Variants in AMOTL1 observed in about 807,000 individuals in gnomAD.
The protein encoded by AMOTL1 is angiomotin like 1.
In AMOTL1, 45 loss-of-function variants were observed where a neutral mutation model predicts 102.9. That is an observed-to-expected ratio of 0.44 (90% CI 0.34 to 0.56). The LOEUF (loss-of-function observed/expected upper bound fraction) is 0.56. Among genes scored for constraint, AMOTL1 ranks in the 20% least tolerant of loss-of-function variants. The pLI is 0.01. For missense variants in AMOTL1, 1,114 were observed against 1,225.6 expected (o/e 0.91, Z 1.36); for synonymous variants, 481 against 484.7 (o/e 0.99, Z 0.10).
chr11:94,870,883 G>C lies in AMOTL1; in HGVS notation c.*88G>C, dbSNP rs1443924540. ...AGAAAGACCTAGAAGGTTGTAGATG[G>C]GAAATCAGGAATGATTTGAACTGAT... On this transcript the variant is annotated 3_prime_UTR_variant, in exon 13 of 13. Transcript: ENST00000433060. 2 of 1,051,086 alleles carry C rather than the reference G, an allele frequency of 1.9e-6. No individual in the cohort carries two copies. Among genetic ancestry groups the C allele is most frequent in the Non-Finnish European group, 2.7e-6 (2 of 736,826 alleles). The allele number at this position is 1,051,086 out of a possible 1,614,324, so 65.1% of individuals were successfully genotyped here.
chr11:94,870,147 A>G (rs1032194345), intron 12 of AMOTL1, among the ~76,000 whole-genome samples: 1 of 152,190 alleles, frequency 6.6e-6, no homozygotes, highest in Non-Finnish European at 1.5e-5. Flanking sequence ...TTAAGTAGCC[A>G]GAGAGTACCC....
At position 94,797,720 on chromosome 11, in the gene AMOTL1, A is replaced by G. The variant is rs370863788; in HGVS notation, c.200-1670A>G. On this transcript the variant is annotated intron_variant, in intron 2 of 12. Coordinates refer to ENST00000433060, the MANE Select transcript of AMOTL1 (RefSeq NM_130847.3). ...TTCTAGGCAGAGGGAAGGCAAGCAAAGGTCCAGAGGCTGGAGAGAGCTAGC... is the reference window on the plus strand; with the variant it reads ...TTCTAGGCAGAGGGAAGGCAAGCAAGGGTCCAGAGGCTGGAGAGAGCTAGC... 3.3e-4 allele frequency among the ~76,000 whole-genome samples: 50 copies of G among 152,340 alleles called. 1 individual carries two copies. The highest frequency in any genetic ancestry group is 1.1e-3 in the African/African-American group (45 of 41,580).
chr11:94,771,483 C>G (rs549318313), intron 1 of AMOTL1, among the ~76,000 whole-genome samples: 16 of 152,146 alleles, frequency 1.1e-4, no homozygotes, highest in African/African-American at 3.6e-4. Flanking sequence ...TGGAAATAGT[C>G]TGAGGTTGTT....
intron 3 of AMOTL1, among the ~76,000 whole-genome samples, chr11:94,742,840 A>C (rs1282563476): frequency 6.6e-6 from 1 of 152,112 alleles, no homozygotes; most frequent in South Asian, 2.1e-4. Flanking sequence ...ATAGATGTCT[A>C]TCTTCTCACT....
In AMOTL1 at chr11:94,799,719, C is replaced by G. The variant is rs201813690; in HGVS notation, c.529C>G (p.Arg177Gly). 6.2e-7 allele frequency: 1 copy of G among 1,613,618 alleles called. No individual in the cohort carries two copies. The highest frequency in any genetic ancestry group is 1.7e-5 in the Admixed American group (1 of 60,004). ...CAATACGGTGATGGAGAAACAGGTCCGGTCCACGCAGCCTCAGCAGAACAA... is the reference window on the plus strand; with the variant it reads ...CAATACGGTGATGGAGAAACAGGTCGGGTCCACGCAGCCTCAGCAGAACAA... Reference protein sequence around the residue: ...VDNTVMEKQVRSTQPQQNNEE... With the variant: ...VDNTVMEKQVGSTQPQQNNEE... The change falls in exon 3 of 13, where the codon CGG becomes GGG. Residue 177 changes from arginine (R) to glycine (G), a missense_variant. Transcript: ENST00000433060. This position sits in a 1 kb window ranked among gnomAD's most constrained non-coding sequence, Gnocchi z 4.5.
chr11:94,864,912 GC>G, intron 10 of AMOTL1, 52 bp downstream of exon 10: 1 of 1,584,998 alleles, frequency 6.3e-7, no homozygotes. Flanking sequence ...CACACTCCAG[GC>G]CTTCCAGAAC....
chr11:94,851,203 C>T (rs1372491240), intron 7 of AMOTL1, among the ~76,000 whole-genome samples: 1 of 152,174 alleles, frequency 6.6e-6, no homozygotes, highest in Non-Finnish European at 1.5e-5. Context: ...TGACCTCAAC[C>T]CCTTAAAGAC....
At chr11:94,726,177 C>A (rs903779496) in intron 1 of AMOTL1, among the ~76,000 whole-genome samples, 8 of 152,160 alleles carry the variant, frequency 5.3e-5, no homozygotes, top group African/African-American at 1.4e-4. Flanking sequence ...AAAGAAGAGG[C>A]TGTGTCAGTT....
intron 7 of AMOTL1, among the ~76,000 whole-genome samples, chr11:94,853,650 G>A (rs1038755530): frequency 6.6e-6 from 1 of 152,136 alleles, no homozygotes; most frequent in Non-Finnish European, 1.5e-5. Context: ...AAATTATTAA[G>A]CAATAAATGA....
At chr11:94,770,605 C>G (rs1046138619) in intron 1 of AMOTL1, among the ~76,000 whole-genome samples, 1 of 152,092 alleles carries the variant, frequency 6.6e-6, no homozygotes. Context: ...TTTCCCTCCC[C>G]CTTCTTTTTA....
At chr11:94,772,684 T>C (rs375749982) in intron 1 of AMOTL1, among the ~76,000 whole-genome samples, 85 of 152,314 alleles carry the variant, frequency 5.6e-4, no homozygotes, top group African/African-American at 1.9e-3. Context: ...TATATATAGG[T>C]GTTTGTGTGA....
intron 1 of AMOTL1, among the ~76,000 whole-genome samples, chr11:94,778,481 AT>A (rs1335102944): frequency 6.6e-6 from 1 of 152,214 alleles, no homozygotes; most frequent in Non-Finnish European, 1.5e-5. Context: ...TCTTGGCTAA[AT>A]TACTTAACCT....
intron 1 of AMOTL1, among the ~76,000 whole-genome samples, chr11:94,773,919 C>T (rs1950988502): frequency 6.6e-6 from 1 of 152,188 alleles, no homozygotes; most frequent in South Asian, 2.1e-4. Flanking sequence ...GGATTGAGAA[C>T]AGGTGTATCC....
At chr11:94,865,671 G>A (rs140485357) in intron 10 of AMOTL1, among the ~76,000 whole-genome samples, 30 of 152,204 alleles carry the variant, frequency 2.0e-4, no homozygotes, top group Non-Finnish European at 3.7e-4. Context: ...GTCCCCAGCC[G>A]ACTTCGGTCC....
At chr11:94,835,530 TG>T (rs1167331883) in intron 6 of AMOTL1, among the ~76,000 whole-genome samples, 2 of 152,224 alleles carry the variant, frequency 1.3e-5, no homozygotes, top group Non-Finnish European at 2.9e-5. Context: ...ATATTAGATG[TG>T]AAGAAAATGA....
At chr11:94,745,248 A>G (rs1461694659) in intron 3 of AMOTL1, among the ~76,000 whole-genome samples, 3 of 24,758 alleles carry the variant, frequency 1.2e-4, no homozygotes, top group Non-Finnish European at 2.5e-4. Flanking sequence ...TCCCTCCCCC[A>G]TCCCCCCACC....
At chr11:94,797,470 G>A (rs1377537438) in intron 2 of AMOTL1, among the ~76,000 whole-genome samples, 1 of 152,196 alleles carries the variant, frequency 6.6e-6, no homozygotes, top group Non-Finnish European at 1.5e-5. Flanking sequence ...ACCCAGATGC[G>A]AAGACATGAT....
At chr11:94,831,780 C>T (rs761843188) in intron 6 of AMOTL1, among the ~76,000 whole-genome samples, 1 of 152,288 alleles carries the variant, frequency 6.6e-6, no homozygotes, top group East Asian at 1.9e-4. Context: ...TTCTCTCTCT[C>T]TCTCTATAAT....
At chr11:94,807,070 A>C (rs538240461) in intron 3 of AMOTL1, among the ~76,000 whole-genome samples, 1 of 152,176 alleles carries the variant, frequency 6.6e-6, no homozygotes, top group Non-Finnish European at 1.5e-5. Flanking sequence ...GGTTTTTGCC[A>C]TAATAACTGA....
Sources: allele counts gnomAD v4.1 joint callset (sites outside exome capture counted in the v4.1 genomes callset), GRCh38; gene constraint gnomAD v4.1.1; non-coding constraint Gnocchi (gnomAD v3.1); transcripts MANE v1.5; gene names NCBI Gene and HGNC (gene_info 2026-07-23, HGNC 2026-07-21).